ESRRB: variants seen among roughly 807,000 people sequenced by gnomAD.
The protein encoded by ESRRB is steroid hormone receptor ERR2.
Under a neutral mutation model 46.0 loss-of-function variants are expected in ESRRB, and 16 were observed. The observed-to-expected ratio is 0.35, with a 90% CI of 0.24 to 0.53. The LOEUF (loss-of-function observed/expected upper bound fraction) is 0.53, where lower values mean the gene tolerates loss of function less well. ESRRB is among the 20% of genes least tolerant of loss of function. The probability of loss-of-function intolerance (pLI) is 0.93; values close to 1 mark genes in which losing one functional copy is unlikely to be tolerated. For missense variants in ESRRB, 488 were observed against 607.4 expected (o/e 0.80, Z 2.07); for synonymous variants, 246 against 259.6 (o/e 0.95, Z 0.50).
intron 1 of ESRRB, among the ~76,000 whole-genome samples, chr14:76,392,030 T>C (rs1339558416): frequency 1.3e-5 from 2 of 152,238 alleles, no homozygotes; most frequent in Non-Finnish European, 2.9e-5. Flanking sequence ...GCAACATCCC[T>C]GCAGCCTGCA....
At position 76,453,702 on chromosome 14, in the gene ESRRB, T is replaced by C. The variant is rs573139561; in HGVS notation, c.461-8843T>C. ...CGCCTCAGCCTCCCTTCAACCTCCC[T>C]GGGCTCAAGTGATCCTCCCACCTTG... On this transcript the variant is annotated intron_variant, in intron 2 of 6. Transcript: ENST00000644823. Among the ~76,000 whole-genome samples the C allele has an allele frequency of 1.7e-4, 25 of 150,562 alleles. No individual in the cohort carries two copies. In the East Asian group the frequency reaches 4.9e-3, roughly 30 times the overall value.
At chr14:76,323,759 A>G (rs1391194260) in intron 1 of ESRRB, among the ~76,000 whole-genome samples, 1 of 152,146 alleles carries the variant, frequency 6.6e-6, no homozygotes, top group Non-Finnish European at 1.5e-5. Context: ...GGGATCTGTC[A>G]ACTTCCCGAG....
chr14:76,463,448 T>TTTTTTG (rs1888968662), intron 3 of ESRRB: 3 of 132,790 alleles, frequency 2.3e-5, no homozygotes, highest in African/African-American at 9.7e-5. Context: ...CTTCTTTGTT[T>TTTTTTG]TTTTTTTTTT....
intron 5 of ESRRB, among the ~76,000 whole-genome samples, chr14:76,491,071 G>A (rs542125049): frequency 6.6e-6 from 1 of 152,174 alleles, no homozygotes; most frequent in Non-Finnish European, 1.5e-5. Flanking sequence ...CCGAGAGCAC[G>A]TACTGCTGCC....
At chr14:76,448,031 G>A (rs1296244261) in intron 2 of ESRRB, among the ~76,000 whole-genome samples, 1 of 152,140 alleles carries the variant, frequency 6.6e-6, no homozygotes, top group Non-Finnish European at 1.5e-5. Context: ...TGATTGCTCT[G>A]TTTTCTAGTT....
In ESRRB at chr14:76,376,685, G is replaced by A. The variant is rs554771413; in HGVS notation, c.50+234G>A. Among the ~76,000 whole-genome samples the A allele has an allele frequency of 6.6e-6, 1 of 152,294 alleles. No individual in the cohort carries two copies. The highest frequency in any genetic ancestry group is 1.5e-5 in the Non-Finnish European group (1 of 68,032). ...TTTACAAATCCACACTTTCAGGCAAGAGTGGCGCTTTCTCATGCACTTTCT... is the reference window on the plus strand; with the variant it reads ...TTTACAAATCCACACTTTCAGGCAAAAGTGGCGCTTTCTCATGCACTTTCT... On this transcript the variant is annotated intron_variant, in intron 1 of 6. Transcript: ENST00000644823. This position sits in a 1 kb window ranked among gnomAD's most constrained non-coding sequence, Gnocchi z 4.1.
intron 3 of ESRRB, among the ~76,000 whole-genome samples, chr14:76,468,722 A>G (rs1889234075): frequency 6.6e-6 from 1 of 152,028 alleles, no homozygotes; most frequent in African/African-American, 2.4e-5. Context: ...AATAGTGCCT[A>G]TCTTCATCTT....
At chr14:76,456,024 C>T (rs1299527599) in intron 2 of ESRRB, among the ~76,000 whole-genome samples, 1 of 144,014 alleles carries the variant, frequency 6.9e-6, no homozygotes, top group Non-Finnish European at 1.5e-5. Context: ...GCCTGGGCAA[C>T]AAGAGCGAAA....
chr14:76,446,530 A>G (rs1391147452), intron 2 of ESRRB, among the ~76,000 whole-genome samples: 4 of 152,084 alleles, frequency 2.6e-5, no homozygotes, highest in Non-Finnish European at 4.4e-5. Flanking sequence ...TTACTCGCAT[A>G]TCTAAAGAAA....
chr14:76,403,572 GTGTTC>G (rs937554778), intron 1 of ESRRB, among the ~76,000 whole-genome samples: 1 of 152,076 alleles, frequency 6.6e-6, no homozygotes, highest in Non-Finnish European at 1.5e-5. Flanking sequence ...ATAGCTCAGG[GTGTTC>G]TGAGCCATCA....
At chr14:76,416,744 C>G (rs1886722334) in intron 1 of ESRRB, among the ~76,000 whole-genome samples, 1 of 152,170 alleles carries the variant, frequency 6.6e-6, no homozygotes, top group African/African-American at 2.4e-5. Flanking sequence ...GCTGGGATTT[C>G]AGGTGTGAGC....
chr14:76,368,593 C>T (rs553677980), upstream of ESRRB, among the ~76,000 whole-genome samples: 98 of 152,266 alleles, frequency 6.4e-4, no homozygotes, highest in African/African-American at 2.0e-3. Flanking sequence ...GCCTTTTACC[C>T]ATTTTTCTAA....
At chr14:76,375,948 C>G (rs1856809272), upstream of ESRRB, among the ~76,000 whole-genome samples, 1 of 147,172 alleles carries the variant, frequency 6.8e-6, no homozygotes, top group Admixed American at 6.9e-5. Flanking sequence ...ACCCAGTACT[C>G]CTACTGCTCA....
At chr14:76,423,508 T>G (rs1296200437) in intron 1 of ESRRB, among the ~76,000 whole-genome samples, 1 of 152,152 alleles carries the variant, frequency 6.6e-6, no homozygotes, top group Non-Finnish European at 1.5e-5. Flanking sequence ...GTGGATCCTT[T>G]AAGAACTTTT....
At chr14:76,382,799 T>C (rs1006555106) in intron 1 of ESRRB, among the ~76,000 whole-genome samples, 2 of 152,222 alleles carry the variant, frequency 1.3e-5, no homozygotes, top group Non-Finnish European at 2.9e-5. Context: ...CATTTTGCTG[T>C]GCTTTTAAAC....
chr14:76,366,867 C>T (rs1310126819), upstream of ESRRB, among the ~76,000 whole-genome samples: 2 of 152,090 alleles, frequency 1.3e-5, no homozygotes, highest in African/African-American at 4.8e-5. Context: ...TGGGGCTCTG[C>T]AAAACAGTGA....
chr14:76,465,707 A>G (rs1414071798), intron 3 of ESRRB, among the ~76,000 whole-genome samples: 1 of 152,234 alleles, frequency 6.6e-6, no homozygotes, highest in Non-Finnish European at 1.5e-5. Flanking sequence ...CCAGGCAGAC[A>G]TGCTCGGCTC....
chr14:76,485,142 C>T (rs951528450), intron 5 of ESRRB, among the ~76,000 whole-genome samples: 2 of 151,994 alleles, frequency 1.3e-5, no homozygotes, highest in African/African-American at 4.8e-5. Flanking sequence ...TGCCTCCTGA[C>T]CTTCCAGTGT....
At chr14:76,473,905 C>T (rs1055222786) in intron 3 of ESRRB, among the ~76,000 whole-genome samples, 1 of 152,212 alleles carries the variant, frequency 6.6e-6, no homozygotes, top group Non-Finnish European at 1.5e-5. Flanking sequence ...AGAGTGGCCC[C>T]GAAGCTTCTT....
Sources: gnomAD v4.1 joint callset for allele counts (sites outside exome capture counted in the v4.1 genomes callset) on GRCh38, gnomAD v4.1.1 for gene constraint, Gnocchi (gnomAD v3.1) non-coding constraint, MANE v1.5 for transcripts, NCBI Gene and HGNC (gene_info 2026-07-23, HGNC 2026-07-21) for gene names.